The following LRCH3 variants were observed in gnomAD, a reference collection of about 807,000 sequenced individuals.
LRCH3 encodes the protein DISP complex protein LRCH3.
Under a neutral mutation model 104.5 loss-of-function variants are expected in LRCH3, and 68 were observed. That is an observed-to-expected ratio of 0.65 (90% CI 0.54 to 0.80). LRCH3 has a LOEUF of 0.80. Ranked by LOEUF, LRCH3 falls within the 30% of genes least tolerant of loss-of-function variation. The pLI is 0.00. For missense variants in LRCH3, 951 were observed against 953.9 expected, an observed-to-expected ratio of 1.00 and a Z score of 0.04; for synonymous variants, 344 against 361.3, an observed-to-expected ratio of 0.95 and a Z score of 0.54.
chr3:197,816,494 G>A (rs998616143), intron 2 of LRCH3, among the ~76,000 whole-genome samples: 23 of 152,146 alleles, frequency 1.5e-4, no homozygotes, highest in African/African-American at 5.6e-4. Context: ...TGGCCAGGCT[G>A]GTCTCGAACC....
intron 14 of LRCH3, 22 bp from the exon 15 acceptor site, chr3:197,858,810 TTC>T (rs1232661342): frequency 6.3e-7 from 1 of 1,599,982 alleles, no homozygotes; most frequent in Admixed American, 1.7e-5. Flanking sequence ...CTTCTGTTTC[TTC>T]TCTTTCTCAT....
At chr3:197,837,971 A>G (rs1365894474) in intron 9 of LRCH3, among the ~76,000 whole-genome samples, 7 of 151,162 alleles carry the variant, frequency 4.6e-5, no homozygotes, top group Non-Finnish European at 1.0e-4. Flanking sequence ...GAGGCACGAG[A>G]GTCACTTGAA....
chr3:197,792,203 T>C (rs1285107631), intron 1 of LRCH3, among the ~76,000 whole-genome samples: 1 of 151,794 alleles, frequency 6.6e-6, no homozygotes, highest in African/African-American at 2.4e-5. Flanking sequence ...ATAAATACGC[T>C]TGTAAAAATA....
rs575807650 is a variant in LRCH3, at chr3:197,846,627, G to T, written c.1329-782G>T. Among the ~76,000 whole-genome samples, 3 of 150,842 alleles carry T rather than the reference G, an allele frequency of 2.0e-5. No individual in the cohort carries two copies. In the East Asian group the frequency reaches 5.8e-4, roughly 29 times the overall value. On this transcript the variant is annotated intron_variant, in intron 10 of 20. Coordinates refer to ENST00000425562, the MANE Select transcript of LRCH3 (RefSeq NM_001365715.1). ...GGTCAAGACTGCAGTGAGCCATGAT[G>T]ATGGGTTTTTTTTGGTTGCCCTAAT...
chr3:197,833,395 GGGCATAGT>G (rs1212755513), intron 8 of LRCH3, among the ~76,000 whole-genome samples: 1 of 81,148 alleles, frequency 1.2e-5, no homozygotes, highest in Non-Finnish European at 2.4e-5. Flanking sequence ...AAAAAAAGCA[GGGCATAGT>G]GGCATATGCC....
chr3:197,855,325 C>T (rs1740106330), intron 14 of LRCH3, among the ~76,000 whole-genome samples: 1 of 152,230 alleles, frequency 6.6e-6, no homozygotes, highest in Non-Finnish European at 1.5e-5. Flanking sequence ...ACAATCATCA[C>T]ACTCTAGAGT....
At chr3:197,874,291 C>T (rs1712600286) in intron 19 of LRCH3, among the ~76,000 whole-genome samples, 1 of 152,148 alleles carries the variant, frequency 6.6e-6, no homozygotes, top group Admixed American at 6.5e-5. Flanking sequence ...CGAGCTCTGC[C>T]TCCTGTCAGA....
At chr3:197,831,125 C>G (rs1009754127) in intron 7 of LRCH3, 4 of 330,788 alleles carry the variant, frequency 1.2e-5, no homozygotes, top group African/African-American at 8.6e-5. Context: ...GGAGCTGAGC[C>G]AGTTGAAACT....
At chr3:197,879,437 G>A (rs188226674) in intron 20 of LRCH3, among the ~76,000 whole-genome samples, 2 of 151,752 alleles carry the variant, frequency 1.3e-5, no homozygotes, top group East Asian at 3.9e-4. Flanking sequence ...ACGAGGTCAG[G>A]AGATCGAGAC....
rs1002344365 is a variant in LRCH3, at chr3:197,887,125, A to G, written c.*3459A>G. 1 of 151,642 alleles carries G rather than the reference A, an allele frequency of 6.6e-6. No individual in the cohort carries two copies. The highest frequency in any genetic ancestry group is 1.5e-5 in the Non-Finnish European group (1 of 67,956). The allele number at this position is 151,642 out of a possible 1,614,324, so 9.4% of individuals were successfully genotyped here. On this transcript the variant is annotated 3_prime_UTR_variant, in exon 21 of 21. Transcript: ENST00000425562. The stretch of plus-strand genomic sequence containing the variant: ...CCTCTGCAGAGGTAGGAAGGTATGA[A>G]TTTCTTTTTTATGTCAAGATGCAAA...
At chr3:197,878,531 CCTT>C (rs1463734410) in intron 20 of LRCH3, among the ~76,000 whole-genome samples, 1 of 152,162 alleles carries the variant, frequency 6.6e-6, no homozygotes, top group Non-Finnish European at 1.5e-5. Flanking sequence ...CATCCTCCCT[CCTT>C]CTCCGTCACC....
chr3:197,870,374 A>G (rs1003819477), intron 18 of LRCH3, 96 bp downstream of exon 18: 7 of 1,124,970 alleles, frequency 6.2e-6, no homozygotes, highest in Non-Finnish European at 8.6e-6. Context: ...ATTTTTATTT[A>G]TTTTTTTTTT....
At position 197,861,933 on chromosome 3, in the gene LRCH3, T is replaced by C. The variant is rs78310367; in HGVS notation, c.1716+3028T>C. On this transcript the variant is annotated intron_variant, in intron 15 of 20. Transcript: ENST00000425562. The stretch of plus-strand genomic sequence containing the variant: ...ACATTTCAGAAACCATTTTTACACG[T>C]CTCCTCTCCTCTGGCTTTGTTTTCA... Among the ~76,000 whole-genome samples, 600 of 152,322 alleles carry C rather than the reference T, an allele frequency of 3.9e-3. 6 individuals are homozygous for C. Among genetic ancestry groups the C allele is most frequent in the African/African-American group, 0.013 (557 of 41,566 alleles).
chr3:197,825,871 G>A (rs1392555662), intron 4 of LRCH3, among the ~76,000 whole-genome samples: 2 of 151,788 alleles, frequency 1.3e-5, no homozygotes, highest in Admixed American at 6.6e-5. Flanking sequence ...ATTTTTAATT[G>A]CTACCATTAT....
chr3:197,879,372 C>T (rs898938728), intron 20 of LRCH3, among the ~76,000 whole-genome samples: 29 of 152,170 alleles, frequency 1.9e-4, no homozygotes, highest in African/African-American at 6.0e-4. Context: ...CCTGGCCGGG[C>T]GCGGTGGCTC....
intron 1 of LRCH3, among the ~76,000 whole-genome samples, chr3:197,803,817 G>C (rs1330800550): frequency 2.0e-5 from 3 of 152,194 alleles, no homozygotes; most frequent in Non-Finnish European, 2.9e-5. Context: ...ATCTGCATTT[G>C]CATTTCAGTT....
chr3:197,842,271 C>T (rs77467766), intron 10 of LRCH3, among the ~76,000 whole-genome samples: 2,846 of 152,202 alleles, frequency 0.019, 113 homozygotes, highest in African/African-American at 0.065. Flanking sequence ...TGTGAAATAT[C>T]TACTATGTGC....
intron 17 of LRCH3, among the ~76,000 whole-genome samples, chr3:197,867,174 G>A (rs867161663): frequency 6.6e-6 from 1 of 152,186 alleles, no homozygotes; most frequent in Non-Finnish European, 1.5e-5. Flanking sequence ...CTACTCAGGA[G>A]GCTGAGGCAG....
intron 4 of LRCH3, among the ~76,000 whole-genome samples, chr3:197,825,516 G>T: frequency 1.2e-5 from 1 of 82,500 alleles, no homozygotes; most frequent in Non-Finnish European, 2.1e-5. Flanking sequence ...GTCTTGCTCT[G>T]TCTCCCAGGC....
Sources: allele counts gnomAD v4.1 joint callset (sites outside exome capture counted in the v4.1 genomes callset), GRCh38; gene constraint gnomAD v4.1.1; transcripts MANE v1.5; gene names NCBI Gene and HGNC (gene_info 2026-07-23, HGNC 2026-07-21).